The following CSMD3 variants were observed in gnomAD, a reference collection of about 807,000 sequenced individuals.
CSMD3 encodes the protein CUB and Sushi multiple domains 3.
CSMD3 carries 177 observed loss-of-function variants against 435.2 expected under a neutral mutation model. The observed-to-expected ratio is 0.41, with a 90% confidence interval of 0.36 to 0.46. The LOEUF (loss-of-function observed/expected upper bound fraction) is 0.46, where lower values mean the gene tolerates loss of function less well. CSMD3 is among the 20% of genes least tolerant of loss of function. CSMD3 has a pLI of 0.34. For missense variants in CSMD3, 4,265 were observed against 4,504.6 expected (o/e 0.95, Z 1.52); for synonymous variants, 1,656 against 1,520.5 (o/e 1.09, Z -2.07).
chr8:113,341,916 G>A (rs141553586), intron 1 of CSMD3, among the ~76,000 whole-genome samples: 1 of 151,896 alleles, frequency 6.6e-6, no homozygotes, highest in Non-Finnish European at 1.5e-5. Flanking sequence ...AAAATACATA[G>A]TTTTGCTTTT....
chr8:112,871,465 A>T (rs1247064987), intron 10 of CSMD3, among the ~76,000 whole-genome samples: 1 of 152,152 alleles, frequency 6.6e-6, no homozygotes, highest in African/African-American at 2.4e-5. Context: ...AACGGTTAAA[A>T]CTTGGAAGAA....
At chr8:113,346,715 T>G (rs533321575) in intron 1 of CSMD3, among the ~76,000 whole-genome samples, 1 of 152,208 alleles carries the variant, frequency 6.6e-6, no homozygotes, top group Non-Finnish European at 1.5e-5. Flanking sequence ...CTGAGAGAAA[T>G]ACACAAGAAA....
At chr8:113,397,361 T>G (rs1173866725) in intron 1 of CSMD3, among the ~76,000 whole-genome samples, 3 of 152,210 alleles carry the variant, frequency 2.0e-5, no homozygotes, top group Non-Finnish European at 4.4e-5. Context: ...GCTGTTGGTA[T>G]TTGTCTAATG....
intron 35 of CSMD3, among the ~76,000 whole-genome samples, chr8:112,402,219 T>C (rs527277788): frequency 6.6e-6 from 1 of 152,320 alleles, no homozygotes; most frequent in South Asian, 2.1e-4. Context: ...GATCTTATTG[T>C]AACTCACTTC....
intron 27 of CSMD3, among the ~76,000 whole-genome samples, chr8:112,537,734 A>T (rs2131116038): frequency 6.6e-6 from 1 of 152,000 alleles, no homozygotes; most frequent in South Asian, 2.1e-4. Flanking sequence ...GTAGTAAAAA[A>T]AAAAAGTCCC....
At chr8:112,296,085 C>A (rs2130718304) in intron 53 of CSMD3, 79 bp from the exon 54 acceptor site, 1 of 1,154,998 alleles carries the variant, frequency 8.7e-7, no homozygotes, top group South Asian at 1.3e-5. Context: ...GGAACATGAG[C>A]AAACCTTTAA....
At chr8:112,502,092 A>G (rs1255630632) in intron 30 of CSMD3, among the ~76,000 whole-genome samples, 1 of 152,194 alleles carries the variant, frequency 6.6e-6, no homozygotes, top group Non-Finnish European at 1.5e-5. Flanking sequence ...ATGACCTTGA[A>G]TGCTCATTAT....
At chr8:112,541,663 T>C (rs1157805579) in intron 27 of CSMD3, among the ~76,000 whole-genome samples, 1 of 151,954 alleles carries the variant, frequency 6.6e-6, no homozygotes. Context: ...TGGTGAATTC[T>C]ACCAAACGTT....
intron 16 of CSMD3, among the ~76,000 whole-genome samples, chr8:112,669,673 C>G (rs1386155597): frequency 6.6e-6 from 1 of 152,142 alleles, no homozygotes; most frequent in Non-Finnish European, 1.5e-5. Context: ...AAGTCCCATT[C>G]ATTCATTCAT....
chr8:113,108,254 C>G (rs1304596432), intron 4 of CSMD3, among the ~76,000 whole-genome samples: 1 of 151,810 alleles, frequency 6.6e-6, no homozygotes, highest in East Asian at 1.9e-4. Flanking sequence ...ATGGTGAAAC[C>G]CCATCTCTAC....
intron 13 of CSMD3, among the ~76,000 whole-genome samples, chr8:112,780,692 G>A (rs1024702865): frequency 2.0e-5 from 3 of 152,056 alleles, no homozygotes; most frequent in Admixed American, 6.6e-5. Context: ...ACTTTGCATA[G>A]GAACTCAGTG....
rs538400759 is a variant in CSMD3, at chr8:112,358,987, T to C, written c.6137-6453A>G. On this transcript the variant is annotated intron_variant, in intron 38 of 70. Coordinates refer to ENST00000297405, the MANE Select transcript of CSMD3 (RefSeq NM_198123.2). Reference sequence around the variant, plus strand: ...AAAAACATAGTAAAAGTAAATGGTTTTCTGAAAATGATTCATTGAAAGCCT... The same window carrying C: ...AAAAACATAGTAAAAGTAAATGGTTCTCTGAAAATGATTCATTGAAAGCCT... Among the ~76,000 whole-genome samples the C allele has an allele frequency of 5.0e-4, 76 of 152,326 alleles. 1 individual carries two copies. The highest frequency in any genetic ancestry group is 1.8e-3 in the African/African-American group (74 of 41,568).
chr8:112,775,161 T>C (rs1044990168), intron 13 of CSMD3, among the ~76,000 whole-genome samples: 4 of 151,792 alleles, frequency 2.6e-5, no homozygotes, highest in African/African-American at 9.7e-5. Flanking sequence ...TCCAATGCAC[T>C]ACCATCATAA....
intron 5 of CSMD3, among the ~76,000 whole-genome samples, chr8:113,098,035 T>C (rs1202131667): frequency 2.0e-5 from 3 of 151,986 alleles, no homozygotes; most frequent in Non-Finnish European, 4.4e-5. Context: ...TTCAAATCAA[T>C]CTCTTCATTT....
intron 1 of CSMD3, among the ~76,000 whole-genome samples, chr8:113,400,118 T>C (rs1317776087): frequency 6.6e-6 from 1 of 151,952 alleles, no homozygotes; most frequent in African/African-American, 2.4e-5. Context: ...ACTTTCCAGA[T>C]TTAAAAATGT....
Position 112,354,270 on chromosome 8 carries a change from A to C in CSMD3, c.6137-1736T>G, listed in dbSNP as rs149993959. On this transcript the variant is annotated intron_variant, in intron 38 of 70. Transcript: ENST00000297405. Reference sequence around the variant, plus strand: ...GAGTGGGCAAAAGCTGGGATAATTCATGTTGAGAAGAGGAACAAGAAAAGG... The same window carrying C: ...GAGTGGGCAAAAGCTGGGATAATTCCTGTTGAGAAGAGGAACAAGAAAAGG... Among the ~76,000 whole-genome samples, 980 of 152,266 alleles carry C rather than the reference A, an allele frequency of 6.4e-3. 7 individuals are homozygous for C. The highest frequency in any genetic ancestry group is 0.022 in the African/African-American group (908 of 41,560).
At chr8:113,098,595 G>T in intron 5 of CSMD3, 161 bp downstream of exon 5, 2 of 609,980 alleles carry the variant, frequency 3.3e-6, no homozygotes, top group East Asian at 2.8e-5. Context: ...TAAATAGCTC[G>T]ATCTTCAAAA....
In CSMD3 at chr8:113,236,947, A is replaced by G. The variant is rs182021305; in HGVS notation, c.514+41645T>C. 1.0e-3 allele frequency among the ~76,000 whole-genome samples: 158 copies of G among 152,240 alleles called. 2 individuals are homozygous for G. The highest frequency in any genetic ancestry group is 3.6e-3 in the African/African-American group (148 of 41,560). On this transcript the variant is annotated intron_variant, in intron 3 of 70. Transcript: ENST00000297405. ...CAATAAGAGAACCCAGTGTGGCTGAACCAGAATATACTTGCACCTCCTAAG... is the reference window on the plus strand; with the variant it reads ...CAATAAGAGAACCCAGTGTGGCTGAGCCAGAATATACTTGCACCTCCTAAG...
intron 10 of CSMD3, among the ~76,000 whole-genome samples, chr8:112,888,879 A>G (rs969787649): frequency 6.6e-6 from 1 of 151,654 alleles, no homozygotes. Context: ...TGGTCACCAC[A>G]GCGTTGACTG....
Sources: gnomAD v4.1 joint callset for allele counts (sites outside exome capture counted in the v4.1 genomes callset) on GRCh38, gnomAD v4.1.1 for gene constraint, MANE v1.5 for transcripts, NCBI Gene and HGNC (gene_info 2026-07-23, HGNC 2026-07-21) for gene names.